PIBF1: variants seen among roughly 807,000 people sequenced by gnomAD.
The protein encoded by PIBF1 is progesterone immunomodulatory binding factor 1, also known as progesterone-induced-blocking factor 1.
PIBF1 carries 90 observed loss-of-function variants against 112.5 expected under a neutral mutation model. The ratio of observed to expected loss-of-function variants is 0.80; its 90% confidence interval spans 0.67 to 0.95. The LOEUF (loss-of-function observed/expected upper bound fraction) is 0.95, where lower values mean the gene tolerates loss of function less well. PIBF1 is among the 40% of genes least tolerant of loss of function. The pLI is 0.00. For missense variants in PIBF1, 915 were observed against 852.3 expected (o/e 1.07, Z -0.92); for synonymous variants, 301 against 288.6 (o/e 1.04, Z -0.44).
chr13:72,846,334 C>T (rs1388187203), intron 9 of PIBF1, among the ~76,000 whole-genome samples: 1 of 152,108 alleles, frequency 6.6e-6, no homozygotes, highest in East Asian at 1.9e-4. Flanking sequence ...GATTTATGAT[C>T]TCTATCTCAC....
intron 13 of PIBF1, among the ~76,000 whole-genome samples, chr13:72,929,690 T>G (rs1319110090): frequency 6.6e-6 from 1 of 152,074 alleles, no homozygotes; most frequent in African/African-American, 2.4e-5. Context: ...AAAAAAGTGG[T>G]TGTCAAAAAA....
At chr13:72,895,370 C>T (rs2040241940) in intron 11 of PIBF1, among the ~76,000 whole-genome samples, 1 of 148,930 alleles carries the variant, frequency 6.7e-6, no homozygotes, top group Admixed American at 6.7e-5. Flanking sequence ...AACTGAAAAA[C>T]AGTATTTGTG....
At chr13:72,944,410 G>A (rs910309066) in intron 14 of PIBF1, among the ~76,000 whole-genome samples, 2 of 148,538 alleles carry the variant, frequency 1.3e-5, no homozygotes, top group African/African-American at 2.5e-5. Flanking sequence ...TTGCACCACC[G>A]CAGGACTCTA....
At chr13:72,996,670 C>T (rs1349628559) in intron 16 of PIBF1, among the ~76,000 whole-genome samples, 1 of 151,930 alleles carries the variant, frequency 6.6e-6, no homozygotes, top group Admixed American at 6.6e-5. Context: ...CCCCTGTAGT[C>T]CTAGCTACTC....
chr13:73,015,539 GAGACAACTGAA>G (rs1334552194), intron 17 of PIBF1, among the ~76,000 whole-genome samples: 1 of 152,126 alleles, frequency 6.6e-6, no homozygotes, highest in African/African-American at 2.4e-5. Flanking sequence ...CTATATAGAT[GAGACAACTGAA>G]AAGAAGTCAT....
chr13:72,901,757 G>A (rs1243197878), intron 11 of PIBF1, among the ~76,000 whole-genome samples: 1 of 151,888 alleles, frequency 6.6e-6, no homozygotes, highest in Non-Finnish European at 1.5e-5. Context: ...TACGTTTCTG[G>A]TGGGAAAGTA....
chr13:72,981,105 C>T (rs1403997984), intron 16 of PIBF1, among the ~76,000 whole-genome samples: 1 of 151,424 alleles, frequency 6.6e-6, no homozygotes, highest in Non-Finnish European at 1.5e-5. Flanking sequence ...ATTCGCCGGG[C>T]GTGGTGGCAG....
rs1320159605 is a variant in PIBF1 at position 73,012,731 on chromosome 13, G to A, written c.2224-3138G>A. The stretch of plus-strand genomic sequence containing the variant: ...GATCATGCCACTGCACTGTAGTCTA[G>A]GCAACAGAGCAAGACCCTGTCTCCA... On this transcript the variant is annotated intron_variant, in intron 17 of 17. Coordinates refer to ENST00000326291, the MANE Select transcript of PIBF1 (RefSeq NM_006346.4). 1.1e-4 allele frequency among the ~76,000 whole-genome samples: 16 copies of A among 151,150 alleles called. No homozygotes were observed. The Admixed American group carries it at 1.1e-3, about 10-fold the overall frequency.
chr13:72,998,482 A>G (rs2043753532), intron 16 of PIBF1, among the ~76,000 whole-genome samples: 3 of 152,208 alleles, frequency 2.0e-5, no homozygotes, highest in Admixed American at 2.0e-4. Flanking sequence ...AAAAAAAAAA[A>G]AAAATTCCAA....
At chr13:72,844,447 G>A (rs893066789) in intron 9 of PIBF1, among the ~76,000 whole-genome samples, 28 of 151,888 alleles carry the variant, frequency 1.8e-4, no homozygotes, top group Admixed American at 1.4e-3. Context: ...CCATCAACCC[G>A]TCATCTACAT....
At chr13:72,839,269 C>G (rs1245516808) in intron 9 of PIBF1, among the ~76,000 whole-genome samples, 2 of 152,112 alleles carry the variant, frequency 1.3e-5, no homozygotes, top group Admixed American at 1.3e-4. Flanking sequence ...ACAGAGCCGA[C>G]AGGACTCAGT....
chr13:72,898,395 C>G (rs577461380), intron 11 of PIBF1, among the ~76,000 whole-genome samples: 68 of 151,792 alleles, frequency 4.5e-4, no homozygotes, highest in Admixed American at 1.1e-3. Context: ...AAGGTCACAC[C>G]TCAAGGAACT....
chr13:72,971,023 A>G (rs1488154303), intron 15 of PIBF1, among the ~76,000 whole-genome samples: 2 of 152,134 alleles, frequency 1.3e-5, no homozygotes, highest in Non-Finnish European at 2.9e-5. Context: ...TTGTTTTGCT[A>G]TTTAATTATA....
At chr13:72,923,763 G>A (rs1383197948) in intron 13 of PIBF1, among the ~76,000 whole-genome samples, 4 of 152,244 alleles carry the variant, frequency 2.6e-5, no homozygotes, top group Admixed American at 6.5e-5. Context: ...TCAGGAGTTC[G>A]AGACTAGCCT....
rs149261134 is a variant in PIBF1 at position 72,821,865 on chromosome 13, G to A, written c.689G>A (p.Arg230Gln). 42 of 1,610,850 alleles carry A rather than the reference G, an allele frequency of 2.6e-5. 1 individual carries two copies. Among genetic ancestry groups the A allele is most frequent in the African/African-American group, 8.0e-5 (6 of 74,758 alleles). Reference sequence around the variant, plus strand: ...GGTTTATAGACATATGAGGAAGATCGAAAAAACTACTCTGAAGTTCAAATT... The same window carrying A: ...GGTTTATAGACATATGAGGAAGATCAAAAAAACTACTCTGAAGTTCAAATT... ...KQLTETYEED[R>Q]KNYSEVQIRC... Residue 230 changes from arginine to glutamine, a missense_variant, in exon 6 of 18, where the codon CGA becomes CAA. Physicochemically the swap from Arg to Gln is conservative, Grantham distance 43. Coordinates refer to ENST00000326291, the MANE Select transcript of PIBF1 (RefSeq NM_006346.4).
chr13:72,922,742 T>C (rs988401053), intron 13 of PIBF1, among the ~76,000 whole-genome samples: 1 of 152,252 alleles, frequency 6.6e-6, no homozygotes, highest in Non-Finnish European at 1.5e-5. Flanking sequence ...TTTATTCTCA[T>C]ATATATGAGT....
intron 2 of PIBF1, 64 bp downstream of exon 2, chr13:72,783,785 GAATT>G: frequency 7.4e-7 from 1 of 1,349,508 alleles, no homozygotes; most frequent in East Asian, 2.3e-5. Context: ...AGGTAAATAA[GAATT>G]AAATACACAC....
chr13:72,901,150 C>A, intron 11 of PIBF1: 1 of 401,730 alleles, frequency 2.5e-6, no homozygotes, highest in Non-Finnish European at 4.9e-6. Flanking sequence ...GGAGAAAAAT[C>A]TTCACAATCT....
At chr13:72,944,012 T>A (rs2042081621) in intron 14 of PIBF1, among the ~76,000 whole-genome samples, 1 of 152,212 alleles carries the variant, frequency 6.6e-6, no homozygotes, top group Non-Finnish European at 1.5e-5. Flanking sequence ...TAGGATCTTA[T>A]TTCTGTTCTA....
Sources: allele counts gnomAD v4.1 joint callset (sites outside exome capture counted in the v4.1 genomes callset), GRCh38; gene constraint gnomAD v4.1.1; transcripts MANE v1.5; gene names NCBI Gene and HGNC (gene_info 2026-07-23, HGNC 2026-07-21).